The following CEP170 variants were observed in gnomAD, a reference collection of about 807,000 sequenced individuals.
CEP170 encodes the protein centrosomal protein of 170 kDa.
CEP170 carries 21 observed loss-of-function variants against 151.9 expected under a neutral mutation model. The ratio of observed to expected loss-of-function variants is 0.14; its 90% CI spans 0.10 to 0.20. The LOEUF (loss-of-function observed/expected upper bound fraction) is 0.20. CEP170 is among the 10% of genes least tolerant of loss of function. The probability of loss-of-function intolerance (pLI) is 1.00; values close to 1 mark genes in which losing one functional copy is unlikely to be tolerated. For missense variants in CEP170, 964 were observed against 1,892.9 expected, an observed-to-expected ratio of 0.51 and a Z score of 9.11; for synonymous variants, 356 against 648.8, an observed-to-expected ratio of 0.55 and a Z score of 6.86.
chr1:243,175,828 G>T (rs1308506439), intron 10 of CEP170, among the ~76,000 whole-genome samples: 2 of 151,960 alleles, frequency 1.3e-5, no homozygotes, highest in Non-Finnish European at 2.9e-5. Context: ...ACAGAGTCTC[G>T]CTTTGTCGCC....
intron 1 of CEP170, among the ~76,000 whole-genome samples, chr1:243,243,924 C>A (rs1048987202): frequency 6.6e-6 from 1 of 152,014 alleles, no homozygotes; most frequent in Non-Finnish European, 1.5e-5. Flanking sequence ...AATTTAGCTA[C>A]CTGTTTACAG....
intron 10 of CEP170, among the ~76,000 whole-genome samples, chr1:243,180,814 T>C (rs1358508401): frequency 6.6e-6 from 1 of 152,188 alleles, no homozygotes; most frequent in East Asian, 1.9e-4. Flanking sequence ...GTTATAGGTC[T>C]CCTGGCTCTA....
chr1:243,131,633 G>A (rs1408050648), intron 17 of CEP170, among the ~76,000 whole-genome samples: 1 of 151,824 alleles, frequency 6.6e-6, no homozygotes, highest in African/African-American at 2.4e-5. Flanking sequence ...TTAAATACTA[G>A]AGAATCAGAA....
At chr1:243,221,882 A>T (rs532726357) in intron 2 of CEP170, 69 bp from the exon 3 acceptor site, 3 of 1,390,478 alleles carry the variant, frequency 2.2e-6, no homozygotes, top group Non-Finnish European at 3.0e-6. Flanking sequence ...CATTTTGGCT[A>T]GATACCTAAT....
At chr1:243,191,743 G>T (rs2148769802) in intron 7 of CEP170, among the ~76,000 whole-genome samples, 1 of 152,242 alleles carries the variant, frequency 6.6e-6, no homozygotes, top group African/African-American at 2.4e-5. Flanking sequence ...GAGCAAAGCA[G>T]TTAAGAAATG....
At position 243,178,306 on chromosome 1, in the gene CEP170, C is replaced by A. The variant is rs566875369; in HGVS notation, c.1567-5460G>T. On this transcript the variant is annotated intron_variant, in intron 10 of 19. Transcript: ENST00000366542. ...CCTGGGCAACAGAGCGAGACTCTGC[C>A]TCAAAAAAAAAAAAAAAAAAAAAAA... 1.4e-4 allele frequency among the ~76,000 whole-genome samples: 10 copies of A among 70,716 alleles called. 1 individual carries two copies. The South Asian group carries it at 4.1e-3, about 29-fold the overall frequency. 46.4% of individuals were successfully genotyped at this position (70,716 alleles called of 152,430 possible). A position where few individuals can be genotyped will look rare whatever the true frequency, so the allele number is the denominator to read the frequency against.
At chr1:243,225,590 C>T (rs2063159198) in intron 1 of CEP170, among the ~76,000 whole-genome samples, 2 of 152,190 alleles carry the variant, frequency 1.3e-5, no homozygotes, top group Admixed American at 6.5e-5. Context: ...AGTTTTCATA[C>T]TTCTGAAAGC....
chr1:243,180,988 T>C (rs1198767555), intron 10 of CEP170, among the ~76,000 whole-genome samples: 1 of 152,232 alleles, frequency 6.6e-6, no homozygotes, highest in African/African-American at 2.4e-5. Context: ...GTCTATGGTA[T>C]GAAATTTATG....
intron 1 of CEP170, among the ~76,000 whole-genome samples, chr1:243,233,344 A>G (rs1384089230): frequency 6.6e-6 from 1 of 152,234 alleles, no homozygotes; most frequent in Non-Finnish European, 1.5e-5. Flanking sequence ...TTTACATTCT[A>G]AATAAACATG....
chr1:243,244,491 ACAG>A (rs2065172300), intron 1 of CEP170, among the ~76,000 whole-genome samples: 1 of 152,120 alleles, frequency 6.6e-6, no homozygotes, highest in African/African-American at 2.4e-5. Context: ...GCCTGTAATC[ACAG>A]CACTTTGGGA....
chr1:243,188,999 T>C (rs1305809308), intron 8 of CEP170, among the ~76,000 whole-genome samples: 1 of 152,198 alleles, frequency 6.6e-6, no homozygotes, highest in African/African-American at 2.4e-5. Context: ...AAAAACATTA[T>C]CTTCAATGGC....
At chr1:243,210,295 T>C (rs1475863638) in intron 4 of CEP170, among the ~76,000 whole-genome samples, 1 of 152,208 alleles carries the variant, frequency 6.6e-6, no homozygotes, top group Non-Finnish European at 1.5e-5. Flanking sequence ...CTAGTATTTT[T>C]CTCATGATTT....
At chr1:243,246,135 T>C (rs1459543336) in intron 1 of CEP170, among the ~76,000 whole-genome samples, 4 of 152,066 alleles carry the variant, frequency 2.6e-5, no homozygotes, top group Non-Finnish European at 4.4e-5. Context: ...TGTATCTGCA[T>C]TGTATTTTAA....
At chr1:243,152,732 C>T (rs1429758994) in intron 14 of CEP170, among the ~76,000 whole-genome samples, 3 of 150,144 alleles carry the variant, frequency 2.0e-5, no homozygotes, top group East Asian at 2.0e-4. Context: ...GGGGTTTCAC[C>T]GTGTTAGCCA....
chr1:243,254,825 C>T (rs969785165), intron 1 of CEP170, among the ~76,000 whole-genome samples: 1 of 151,400 alleles, frequency 6.6e-6, no homozygotes, highest in Non-Finnish European at 1.5e-5. Context: ...GTGGTCCCGT[C>T]AAGCCCCGGG....
At chr1:243,152,561 T>C (rs951551924) in intron 14 of CEP170, among the ~76,000 whole-genome samples, 1 of 98,466 alleles carries the variant, frequency 1.0e-5, no homozygotes, top group African/African-American at 4.0e-5. Flanking sequence ...AGATAGAGTC[T>C]CGCTCTGTCA....
At chr1:243,170,746 A>G (rs2058780848) in intron 11 of CEP170, among the ~76,000 whole-genome samples, 1 of 152,240 alleles carries the variant, frequency 6.6e-6, no homozygotes, top group East Asian at 1.9e-4. Flanking sequence ...GTGAGCCGAG[A>G]TGGCACCACT....
intron 1 of CEP170, among the ~76,000 whole-genome samples, chr1:243,226,832 A>T (rs1434262778): frequency 6.6e-6 from 1 of 152,174 alleles, no homozygotes; most frequent in Non-Finnish European, 1.5e-5. Context: ...TCTACTAAAA[A>T]TACAAAATTA....
At chr1:243,136,906 C>A (rs1314076219) in intron 16 of CEP170, among the ~76,000 whole-genome samples, 2 of 151,826 alleles carry the variant, frequency 1.3e-5, no homozygotes, top group Admixed American at 1.3e-4. Context: ...GGGAAACACA[C>A]ATTTTGAAAA....
Sources: allele counts gnomAD v4.1 joint callset (sites outside exome capture counted in the v4.1 genomes callset), GRCh38; gene constraint gnomAD v4.1.1; transcripts MANE v1.5; gene names NCBI Gene and HGNC (gene_info 2026-07-23, HGNC 2026-07-21).